Variants in IFNLR1 observed in about 807,000 individuals in gnomAD.
IFNLR1 encodes CRF2-12.
In IFNLR1, 28 loss-of-function variants were observed where a neutral mutation model predicts 52.5. The observed-to-expected ratio is 0.53, with a 90% CI of 0.40 to 0.73. The LOEUF (loss-of-function observed/expected upper bound fraction) is 0.73, where lower values mean the gene tolerates loss of function less well. Ranked by LOEUF, IFNLR1 falls within the 30% of genes least tolerant of loss-of-function variation. The probability of loss-of-function intolerance (pLI) is 0.00; values close to 1 mark genes in which losing one functional copy is unlikely to be tolerated. For missense variants in IFNLR1, 623 were observed against 659.1 expected, an observed-to-expected ratio of 0.95 and a Z score of 0.60; for synonymous variants, 276 against 274.9, an observed-to-expected ratio of 1.00 and a Z score of -0.04.
At chr1:24,184,340 C>T (rs191928213) in intron 1 of IFNLR1, among the ~76,000 whole-genome samples, 123 of 152,322 alleles carry the variant, frequency 8.1e-4, no homozygotes, top group African/African-American at 2.9e-3. Context: ...GCACATTTTC[C>T]TTCTCACTGT....
At position 24,157,123 on chromosome 1, in the gene IFNLR1, G is replaced by A; in HGVS notation, c.*7C>T. On this transcript the variant is annotated 3_prime_UTR_variant, in exon 7 of 7. Transcript: ENST00000327535. This position sits in a 1 kb window ranked among gnomAD's most constrained non-coding sequence, Gnocchi z 5.1. ...GCATCAGATTCGGTGGGATGTCGGG[G>A]GACAGCTCACCTGGCCATGTAATGC... The A allele has an allele frequency of 1.9e-6, 3 of 1,598,692 alleles. No individual in the cohort carries two copies. The highest frequency in any genetic ancestry group is 2.6e-6 in the Non-Finnish European group (3 of 1,173,374).
At position 24,180,816 on chromosome 1, in the gene IFNLR1, G is replaced by A. The variant is rs1305296946; in HGVS notation, c.97C>T (p.Leu33Phe). 3 of 1,613,920 alleles carry A rather than the reference G, an allele frequency of 1.9e-6. No homozygotes were observed. In the South Asian group the frequency reaches 3.3e-5, roughly 18 times the overall value. The change falls in exon 2 of 7, where the codon CTC (leucine) becomes TTC (phenylalanine). Residue 33 changes from leucine to phenylalanine, a missense_variant. Physicochemically the swap from Leu to Phe is conservative, Grantham distance 22 (BLOSUM62 0). Transcript: ENST00000327535. Reference protein sequence around the residue: ...RLAPPQNVTLLSQNFSVYLTW... With the variant: ...RLAPPQNVTLFSQNFSVYLTW... Reference sequence around the variant, plus strand: ...AGGTACACGCTGAAGTTCTGGGAGAGCAGCGTCACATTCTGGGGAGGGGCC... The same window carrying A: ...AGGTACACGCTGAAGTTCTGGGAGAACAGCGTCACATTCTGGGGAGGGGCC...
chr1:24,162,856 T>TTTCTTTCCTTCC (rs1644471994), intron 3 of IFNLR1, among the ~76,000 whole-genome samples: 1 of 78,404 alleles, frequency 1.3e-5, no homozygotes, highest in Non-Finnish European at 2.5e-5. Context: ...TCTTTCTTTC[T>TTTCTTTCCTTCC]TTCTTTCTTT....
Position 24,157,697 on chromosome 1 carries a change from C to CTCCTCA in IFNLR1, c.990_995dup (p.Asp330_Glu331dup). On this transcript the variant is annotated inframe_insertion, in exon 7 of 7. Coordinates refer to ENST00000327535, the MANE Select transcript of IFNLR1 (RefSeq NM_170743.4). The surrounding 1 kb of genome is among the most constrained non-coding windows in gnomAD (Gnocchi z 5.1). ...GGAAGCTGACGCCATCTTCTGTGTC[C>CTCCTCA]TCCTCATCCTCCTCCTCTTCGTCCT... 6.2e-7 allele frequency: 1 copy of CTCCTCA among 1,613,792 alleles called. No homozygotes were observed. Among genetic ancestry groups the CTCCTCA allele is most frequent in the Non-Finnish European group, 8.5e-7 (1 of 1,179,882 alleles).
chr1:24,185,533 G>A (rs1644728961), intron 1 of IFNLR1, among the ~76,000 whole-genome samples: 1 of 152,216 alleles, frequency 6.6e-6, no homozygotes, highest in South Asian at 2.1e-4. Context: ...GTGGATGGCT[G>A]TCCCCAGCCT....
intron 1 of IFNLR1, among the ~76,000 whole-genome samples, chr1:24,184,944 G>T (rs1022594454): frequency 1.3e-5 from 2 of 152,110 alleles, no homozygotes; most frequent in Non-Finnish European, 1.5e-5. Context: ...GCTTGAACCC[G>T]ATAGGTGGAG....
chr1:24,177,582 TGTGCCCACCCACACTGA>T (rs1644645843), intron 2 of IFNLR1, among the ~76,000 whole-genome samples: 2 of 152,164 alleles, frequency 1.3e-5, no homozygotes, highest in South Asian at 4.1e-4. Context: ...CCAGTTGGGT[TGTGCCCACCCACACTGA>T]GTGAGGACGA....
At chr1:24,177,489 C>T (rs1484200620) in intron 2 of IFNLR1, among the ~76,000 whole-genome samples, 2 of 152,194 alleles carry the variant, frequency 1.3e-5, no homozygotes, top group East Asian at 1.9e-4. Flanking sequence ...AAGCATCCCG[C>T]ACGGGAGAAA....
At chr1:24,182,283 G>T (rs1204876935) in intron 1 of IFNLR1, among the ~76,000 whole-genome samples, 2 of 151,848 alleles carry the variant, frequency 1.3e-5, no homozygotes, top group Admixed American at 6.6e-5. Flanking sequence ...ATTAGGGCAG[G>T]CTTGCCAGCC....
chr1:24,157,030 G>A lies in IFNLR1; in HGVS notation c.*100C>T, dbSNP rs1346854599. The A allele has an allele frequency of 4.3e-6, 6 of 1,389,326 alleles. No individual in the cohort carries two copies. Among genetic ancestry groups the A allele is most frequent in the South Asian group, 1.4e-5 (1 of 71,940 alleles). 86.1% of individuals were successfully genotyped at this position (1,389,326 alleles called of 1,614,324 possible). The stretch of plus-strand genomic sequence containing the variant: ...CCCGGAAGTGCAATGCCCCTCCGCC[G>A]CCCAGGGGAGGTACGGAGGCTCTTG... On this transcript the variant is annotated 3_prime_UTR_variant, in exon 7 of 7. Coordinates refer to ENST00000327535, the MANE Select transcript of IFNLR1 (RefSeq NM_170743.4). This position sits in a 1 kb window ranked among gnomAD's most constrained non-coding sequence, Gnocchi z 5.1.
At chr1:24,174,127 C>T (rs1360829273) in intron 2 of IFNLR1, among the ~76,000 whole-genome samples, 2 of 152,066 alleles carry the variant, frequency 1.3e-5, no homozygotes, top group African/African-American at 2.4e-5. Context: ...GGAAGAGATA[C>T]CAGAGTGAAC....
intron 5 of IFNLR1, 59 bp from the exon 6 acceptor site, chr1:24,159,241 C>T (rs1557641548): frequency 3.1e-6 from 5 of 1,590,868 alleles, no homozygotes; most frequent in Non-Finnish European, 4.3e-6. Context: ...ACAACTGCAC[C>T]TGTGCCGAGT....
At chr1:24,180,009 C>A (rs1644672544) in intron 2 of IFNLR1, among the ~76,000 whole-genome samples, 1 of 152,200 alleles carries the variant, frequency 6.6e-6, no homozygotes, top group Non-Finnish European at 1.5e-5. Context: ...AAAAGTGTGA[C>A]CATTTGGCCA....
At chr1:24,165,828 C>T (rs74454444) in intron 3 of IFNLR1, among the ~76,000 whole-genome samples, 1,570 of 152,206 alleles carry the variant, frequency 0.01, 22 homozygotes, top group African/African-American at 0.036. Flanking sequence ...GAGGGGAATG[C>T]GGAGATGAGG....
chr1:24,182,172 C>T (rs964282314), intron 1 of IFNLR1, among the ~76,000 whole-genome samples: 1 of 149,148 alleles, frequency 6.7e-6, no homozygotes, highest in African/African-American at 2.5e-5. Flanking sequence ...TGCATTCCAG[C>T]CTGGGCAACA....
chr1:24,157,551 G>A lies in IFNLR1; in HGVS notation c.1142C>T (p.Ser381Phe). 6.2e-7 allele frequency: 1 copy of A among 1,612,260 alleles called. No individual in the cohort carries two copies. ...RAPLVPSEGSSAWDSSDRSWA... is the reference protein window; with the variant it reads ...RAPLVPSEGSFAWDSSDRSWA... ...GCTTCTGTCTGAAGAATCCCAAGCAGAGGAGCCTTCGCTTGGGACCAGAGG... is the reference window on the plus strand; with the variant it reads ...GCTTCTGTCTGAAGAATCCCAAGCAAAGGAGCCTTCGCTTGGGACCAGAGG... The change falls in exon 7 of 7, where the codon TCT becomes TTT. Residue 381 changes from serine to phenylalanine, a missense_variant. Physicochemically the swap from Ser to Phe is radical, Grantham distance 155 (BLOSUM62 -2). Coordinates refer to ENST00000327535, the MANE Select transcript of IFNLR1 (RefSeq NM_170743.4). The surrounding 1 kb of genome is among the most constrained non-coding windows in gnomAD (Gnocchi z 5.1).
intron 4 of IFNLR1, 87 bp downstream of exon 4, chr1:24,161,455 A>C: frequency 1.4e-6 from 2 of 1,453,888 alleles, no homozygotes; most frequent in Non-Finnish European, 1.9e-6. Context: ...GGAGGGGTGC[A>C]GGAGCAGGCT....
chr1:24,182,646 G>A (rs1399336407), intron 1 of IFNLR1, among the ~76,000 whole-genome samples: 1 of 152,122 alleles, frequency 6.6e-6, no homozygotes, highest in Admixed American at 6.6e-5. Context: ...TACAGGCCGG[G>A]CGTGGTGGCT....
At chr1:24,166,789 G>A (rs1475462259) in intron 3 of IFNLR1, among the ~76,000 whole-genome samples, 1 of 151,826 alleles carries the variant, frequency 6.6e-6, no homozygotes, top group Non-Finnish European at 1.5e-5. Flanking sequence ...CTAGGCTCAA[G>A]TGATCTGCCT....
Sources: gnomAD v4.1 joint callset for allele counts (sites outside exome capture counted in the v4.1 genomes callset) on GRCh38, gnomAD v4.1.1 for gene constraint, Gnocchi (gnomAD v3.1) non-coding constraint, MANE v1.5 for transcripts, NCBI Gene and HGNC (gene_info 2026-07-23, HGNC 2026-07-21) for gene names.